NOTCH1: variants seen among roughly 807,000 people sequenced by gnomAD.
NOTCH1 encodes neurogenic locus notch homolog protein 1.
A neutral mutation model predicts 254.8 loss-of-function variants in NOTCH1; 37 were observed. The observed-to-expected ratio is 0.15, with a 90% CI of 0.11 to 0.19. The LOEUF is 0.19. Among genes scored for constraint, NOTCH1 ranks in the 10% least tolerant of loss-of-function variants. NOTCH1 has a pLI of 1.00. For synonymous variants in NOTCH1, 1,731 were observed against 1,618.1 expected (o/e 1.07, Z -1.68); for missense variants, 2,972 against 3,708.6 (o/e 0.80, Z 5.16).
At chr9:136,514,350 C>A (rs1221485880) in intron 13 of NOTCH1, among the ~76,000 whole-genome samples, 160 bp downstream of exon 13, 3 of 152,190 alleles carry the variant, frequency 2.0e-5, no homozygotes, top group Non-Finnish European at 4.4e-5. Context: ...GACTGAGGAC[C>A]CAGAGGCATG....
chr9:136,521,422 C>T (rs1464018141), intron 4 of NOTCH1, among the ~76,000 whole-genome samples: 1 of 152,148 alleles, frequency 6.6e-6, no homozygotes, highest in East Asian at 1.9e-4. Context: ...CCCAGCACCC[C>T]TGGCATCTCT....
intron 2 of NOTCH1, among the ~76,000 whole-genome samples, chr9:136,527,866 C>T (rs542473689): frequency 1.3e-5 from 2 of 152,208 alleles, no homozygotes; most frequent in African/African-American, 4.8e-5. Flanking sequence ...GTGGCCCCGG[C>T]GCCTGCTGTG....
At position 136,506,384 on chromosome 9, in the gene NOTCH1, A is replaced by T; in HGVS notation, c.4014+143T>A. The T allele has an allele frequency of 7.9e-6, 1 of 126,676 alleles. No homozygotes were observed. The highest frequency in any genetic ancestry group is 1.5e-5 in the Non-Finnish European group (1 of 68,428). The allele number at this position is 126,676 out of a possible 1,614,324, so 7.8% of individuals were successfully genotyped here. A position where few individuals can be genotyped will look rare whatever the true frequency, so the allele number is the denominator to read the frequency against. ...GTCTCTAAAATCATTTATTGAAACT[A>T]AAAAAAAAAAAAAGACATCAGGGTG... On this transcript the variant is annotated intron_variant, in intron 24 of 33. Transcript: ENST00000651671. The surrounding 1 kb of genome is among the most constrained non-coding windows in gnomAD (Gnocchi z 4.5).
Position 136,507,296 on chromosome 9 carries a change from G to A in NOTCH1, c.3643+9C>T, listed in dbSNP as rs764985096. The A allele has an allele frequency of 5.0e-6, 8 of 1,612,714 alleles. No homozygotes were observed. The highest frequency in any genetic ancestry group is 2.2e-5 in the South Asian group (2 of 91,094). On this transcript the variant is annotated intron_variant, in intron 22 of 33. Coordinates refer to ENST00000651671, the MANE Select transcript of NOTCH1 (RefSeq NM_017617.5). The stretch of plus-strand genomic sequence containing the variant: ...GGCCAACACCAGCCCTCCGTGCAGC[G>A]GCCCTTACCCTGAGTGCCCCGTGGG...
chr9:136,494,776 A>C lies in NOTCH1; in HGVS notation c.*1295T>G, dbSNP rs1842892242. ...GGCATGACACACAACAGACTCATTC[A>C]TTAAGATTTTTTAAACAAAATCCAC... On this transcript the variant is annotated 3_prime_UTR_variant, in exon 34 of 34. Coordinates refer to ENST00000651671, the MANE Select transcript of NOTCH1 (RefSeq NM_017617.5). The C allele has an allele frequency of 2.5e-6, 1 of 398,638 alleles. No homozygotes were observed. The highest frequency in any genetic ancestry group is 2.1e-5 in the African/African-American group (1 of 48,638). 24.7% of individuals were successfully genotyped at this position (398,638 alleles called of 1,614,324 possible). A position where few individuals can be genotyped will look rare whatever the true frequency, so the allele number is the denominator to read the frequency against.
chr9:136,536,508 C>T (rs985610937), intron 2 of NOTCH1, among the ~76,000 whole-genome samples: 28 of 152,162 alleles, frequency 1.8e-4, no homozygotes, highest in African/African-American at 5.8e-4. Context: ...GCAGACTGGG[C>T]GGGTGGGGGC....
rs2133351542 is a variant in NOTCH1, at chr9:136,509,975, G to A, written c.2741-14C>T. On this transcript the variant is annotated splice_polypyrimidine_tract_variant and intron_variant, in intron 17 of 33. Coordinates refer to ENST00000651671, the MANE Select transcript of NOTCH1 (RefSeq NM_017617.5). ...TGTGACACGGGTCTGGGAGAGGACG[G>A]AAGGGTGAGTGTGAGGGGCAGGCAC... 2 of 1,610,952 alleles carry A rather than the reference G, an allele frequency of 1.2e-6. No individual in the cohort carries two copies. Among genetic ancestry groups the A allele is most frequent in the Non-Finnish European group, 1.7e-6 (2 of 1,178,936 alleles).
At chr9:136,526,251 G>A (rs1843458025) in intron 2 of NOTCH1, among the ~76,000 whole-genome samples, 1 of 152,258 alleles carries the variant, frequency 6.6e-6, no homozygotes, top group Non-Finnish European at 1.5e-5. Context: ...GCTGGGCTGG[G>A]CTGTGGCCAC....
rs1448576129 is a variant in NOTCH1, at chr9:136,510,217, T to C, written c.2741-256A>G. ...CAGGGCAGGGGGCAGCTTTGCAGGC[T>C]TCACAGACCGAGCAGGGGAGGAGAG... On this transcript the variant is annotated intron_variant, in intron 17 of 33. Transcript: ENST00000651671. 2.0e-5 allele frequency among the ~76,000 whole-genome samples: 3 copies of C among 152,190 alleles called. No individual in the cohort carries two copies. In the East Asian group the frequency reaches 5.8e-4, roughly 29 times the overall value.
intron 2 of NOTCH1, among the ~76,000 whole-genome samples, chr9:136,525,305 C>T (rs1843441625): frequency 2.0e-5 from 3 of 152,206 alleles, no homozygotes; most frequent in Admixed American, 1.3e-4. Context: ...CACCTGTTCC[C>T]TGCGGCAACA....
rs1479766482 is a variant in NOTCH1 at position 136,540,126 on chromosome 9, G to A, written c.140+3898C>T. ...CGGTGCCTGATCCAGACAGCTTTAC[G>A]GGGCTGCCGGGAGCTATGCCAGGCC... On this transcript the variant is annotated intron_variant, in intron 2 of 33. Transcript: ENST00000651671. This position sits in a 1 kb window ranked among gnomAD's most constrained non-coding sequence, Gnocchi z 4.4. 3.3e-5 allele frequency among the ~76,000 whole-genome samples: 5 copies of A among 152,130 alleles called. No individual in the cohort carries two copies. Among genetic ancestry groups the A allele is most frequent in the East Asian group, 3.9e-4 (2 of 5,186 alleles).
chr9:136,509,346 G>A (rs539175245), intron 18 of NOTCH1, among the ~76,000 whole-genome samples: 21 of 152,228 alleles, frequency 1.4e-4, no homozygotes, highest in Non-Finnish European at 2.8e-4. Flanking sequence ...AAGTAAATGA[G>A]GGAGAAACCA....
chr9:136,543,023 G>C (rs1050901022), intron 2 of NOTCH1: 1 of 153,250 alleles, frequency 6.5e-6, no homozygotes, highest in African/African-American at 2.4e-5. Context: ...GACCAGAAGG[G>C]CCACGGGATT....
chr9:136,508,820 C>G (rs887446197), intron 19 of NOTCH1, 50 bp downstream of exon 19: 2 of 1,498,968 alleles, frequency 1.3e-6, no homozygotes, highest in Non-Finnish European at 1.8e-6. Flanking sequence ...CGCAGGTAGG[C>G]ACCCACCCAG....
In NOTCH1 at chr9:136,545,335, G is replaced by A. The variant is rs1843798918; in HGVS notation, c.61+391C>T. On this transcript the variant is annotated intron_variant, in intron 1 of 33. Coordinates refer to ENST00000651671, the MANE Select transcript of NOTCH1 (RefSeq NM_017617.5). The surrounding 1 kb of genome is among the most constrained non-coding windows in gnomAD (Gnocchi z 6.8). ...GAAGAAGAAAGAAGATAAATGGCCC[G>A]GAGAAGCAACAGGAAACCAAAACCG... Among the ~76,000 whole-genome samples the A allele has an allele frequency of 3.9e-5, 6 of 152,136 alleles. No individual in the cohort carries two copies. Among genetic ancestry groups the A allele is most frequent in the Admixed American group, 3.9e-4 (6 of 15,284 alleles).
chr9:136,502,952 C>CGTGG, intron 27 of NOTCH1: 2 of 700,698 alleles, frequency 2.9e-6, no homozygotes. Flanking sequence ...AAGCAGGCAC[C>CGTGG]CACTTTCCCG....
Position 136,501,728 on chromosome 9 carries a change from C to G in NOTCH1, c.5638+20G>C, listed in dbSNP as rs1171490351. On this transcript the variant is annotated intron_variant, in intron 30 of 33. Transcript: ENST00000651671. ...GGTGGGCCACGGGGCTAGGGAAGCC[C>G]TGGCTGCTGGCACCCTTACCAGGCC... 6.2e-7 allele frequency: 1 copy of G among 1,609,522 alleles called. No individual in the cohort carries two copies. Among genetic ancestry groups the G allele is most frequent in the South Asian group, 1.1e-5 (1 of 90,998 alleles).
chr9:136,501,806 G>T lies in NOTCH1; in HGVS notation c.5580C>A (p.Pro1860=). Residue 1860 remains proline (P), a synonymous_variant, in exon 30 of 34, where the codon CCC becomes CCA. Coordinates refer to ENST00000651671, the MANE Select transcript of NOTCH1 (RefSeq NM_017617.5). ...AADLRMSAMA[P]TPPQGEVDAD... ...CGTCAACCTCACCCTGGGGCGGTGTGGGGGCCATGGCAGACATGCGCAGGT... is the reference window on the plus strand; with the variant it reads ...CGTCAACCTCACCCTGGGGCGGTGTTGGGGCCATGGCAGACATGCGCAGGT... The T allele has an allele frequency of 6.2e-7, 1 of 1,612,734 alleles. No individual in the cohort carries two copies. The highest frequency in any genetic ancestry group is 8.5e-7 in the Non-Finnish European group (1 of 1,179,976).
In NOTCH1 at chr9:136,506,950, C is replaced by T. The variant is rs373064962; in HGVS notation, c.3667G>A (p.Asp1223Asn). 8 of 1,609,606 alleles carry T rather than the reference C, an allele frequency of 5.0e-6. No homozygotes were observed. Among genetic ancestry groups the T allele is most frequent in the Non-Finnish European group, 6.8e-6 (8 of 1,178,800 alleles). Residue 1223 changes from aspartate (D) to asparagine (N), a missense_variant, in exon 23 of 34, where the codon GAC (aspartate) becomes AAC (asparagine). Asp to Asn is a conservative substitution (Grantham distance 23). Around this residue, in one of 8 missense-constraint regions of NOTCH1, gnomAD observed 1,343 missense variants for 1,557.0 expected, o/e 0.86. Coordinates refer to ENST00000651671, the MANE Select transcript of NOTCH1 (RefSeq NM_017617.5). The surrounding 1 kb of genome is among the most constrained non-coding windows in gnomAD (Gnocchi z 4.5). ...GGGTCAACGGGGGGATTGCAGTCGT[C>T]CACGTTGATCTCACAGTGCACACCT... Reference protein sequence around the residue: ...TQGVHCEINVDDCNPPVDPVS... With the variant: ...TQGVHCEINVNDCNPPVDPVS...
Sources: allele counts gnomAD v4.1 joint callset (sites outside exome capture counted in the v4.1 genomes callset), GRCh38; gene constraint gnomAD v4.1.1; regional missense constraint gnomAD v4.1.1; non-coding constraint Gnocchi (gnomAD v3.1); transcripts MANE v1.5; gene names NCBI Gene and HGNC (gene_info 2026-07-23, HGNC 2026-07-21).